The following TLL2 variants were observed in gnomAD, a reference collection of about 807,000 sequenced individuals.
TLL2 encodes tolloid-like protein 2.
A neutral mutation model predicts 123.0 loss-of-function variants in TLL2; 106 were observed. The observed-to-expected ratio is 0.86, with a 90% confidence interval of 0.74 to 1.01. The LOEUF is 1.01. Among genes scored for constraint, TLL2 ranks in the 50% least tolerant of loss-of-function variants. The pLI, the probability that TLL2 is intolerant of heterozygous loss-of-function variation, is 0.00. For synonymous variants in TLL2, 494 were observed against 516.8 expected, an observed-to-expected ratio of 0.96 and a Z score of 0.60; for missense variants, 1,332 against 1,336.7, an observed-to-expected ratio of 1.00 and a Z score of 0.06.
At chr10:96,419,860 T>G (rs1564903519) in intron 7 of TLL2, among the ~76,000 whole-genome samples, 2 of 152,222 alleles carry the variant, frequency 1.3e-5, no homozygotes, top group Admixed American at 6.5e-5. Context: ...TTCATCTTTA[T>G]GGACATGGAG....
intron 13 of TLL2, among the ~76,000 whole-genome samples, chr10:96,394,585 G>A (rs926348444): frequency 4.6e-5 from 7 of 152,180 alleles, no homozygotes; most frequent in Non-Finnish European, 8.8e-5. Context: ...GATCATGTGG[G>A]GGTAAGCATG....
chr10:96,492,361 C>T (rs186011368), intron 1 of TLL2, among the ~76,000 whole-genome samples: 14 of 152,322 alleles, frequency 9.2e-5, no homozygotes, highest in Admixed American at 5.2e-4. Flanking sequence ...CCGTGGCTCA[C>T]GCCTCTAATC....
chr10:96,480,119 A>C (rs1477576464), intron 2 of TLL2, among the ~76,000 whole-genome samples: 2 of 152,098 alleles, frequency 1.3e-5, no homozygotes, highest in Non-Finnish European at 2.9e-5. Flanking sequence ...TCCAGCCTGA[A>C]CCCTCTGATA....
intron 4 of TLL2, among the ~76,000 whole-genome samples, chr10:96,432,234 A>G (rs1182752199): frequency 6.6e-6 from 1 of 152,238 alleles, no homozygotes; most frequent in African/African-American, 2.4e-5. Flanking sequence ...CAAAACAACC[A>G]GATGGGGTAG....
At chr10:96,415,844 G>A (rs1589417027) in intron 7 of TLL2, among the ~76,000 whole-genome samples, 1 of 141,952 alleles carries the variant, frequency 7.0e-6, no homozygotes, top group East Asian at 2.1e-4. Flanking sequence ...GGTTCTTCCT[G>A]GTTACATCAC....
intron 15 of TLL2, among the ~76,000 whole-genome samples, chr10:96,385,734 G>A (rs1185691471): frequency 6.6e-6 from 1 of 152,040 alleles, no homozygotes; most frequent in Non-Finnish European, 1.5e-5. Flanking sequence ...CCCTTTATTC[G>A]CCTCAGCTGC....
chr10:96,447,916 G>A (rs1031244560), intron 2 of TLL2, among the ~76,000 whole-genome samples: 1 of 152,078 alleles, frequency 6.6e-6, no homozygotes, highest in Non-Finnish European at 1.5e-5. Flanking sequence ...TCAGACACCC[G>A]GTGGTCTTCC....
intron 1 of TLL2, among the ~76,000 whole-genome samples, chr10:96,505,018 A>T (rs1220746879): frequency 2.0e-5 from 3 of 151,614 alleles, no homozygotes; most frequent in African/African-American, 4.8e-5. Flanking sequence ...AAAAAAATAA[A>T]AAATAAATAA....
In TLL2 at chr10:96,513,583, C is replaced by A; in HGVS notation, c.103G>T (p.Asp35Tyr). The change falls in exon 1 of 21, where the codon GAC (aspartate) becomes TAC (tyrosine). Residue 35 changes from aspartate to tyrosine, a missense_variant. By Grantham distance (160) the Asp-to-Tyr change is radical. Coordinates refer to ENST00000357947, the MANE Select transcript of TLL2 (RefSeq NM_012465.4). ...GLGERPDATADYSELDGEEGT... is the reference protein window; with the variant it reads ...GLGERPDATAYYSELDGEEGT... ...TCCTCGCCGTCCAGCTCTGAGTAGT[C>A]TGCGGTGGCGTCCGGGCGCTCCCCG... The A allele has an allele frequency of 6.2e-7, 1 of 1,609,036 alleles. No homozygotes were observed. Among genetic ancestry groups the A allele is most frequent in the African/African-American group, 1.3e-5 (1 of 74,774 alleles).
chr10:96,494,178 C>T (rs1306970204), intron 1 of TLL2, among the ~76,000 whole-genome samples: 1 of 152,186 alleles, frequency 6.6e-6, no homozygotes, highest in Non-Finnish European at 1.5e-5. Flanking sequence ...AGTCCTCACA[C>T]CCCTCCGCAC....
intron 1 of TLL2, among the ~76,000 whole-genome samples, chr10:96,492,585 A>G (rs910849051): frequency 1.3e-5 from 2 of 152,176 alleles, no homozygotes; most frequent in Non-Finnish European, 2.9e-5. Context: ...GATCGCTCCA[A>G]TGCACTCCAG....
At chr10:96,435,785 C>T (rs963279613) in intron 3 of TLL2, among the ~76,000 whole-genome samples, 6 of 152,144 alleles carry the variant, frequency 3.9e-5, no homozygotes, top group Admixed American at 2.6e-4. Context: ...CCTAGCTTCT[C>T]GAGTTGAATA....
chr10:96,371,846 G>C (rs1464689572), intron 19 of TLL2, among the ~76,000 whole-genome samples: 3 of 152,326 alleles, frequency 2.0e-5, no homozygotes, highest in Non-Finnish European at 4.4e-5. Context: ...TTAGTCCCCT[G>C]ATTGCCACAG....
intron 17 of TLL2, among the ~76,000 whole-genome samples, chr10:96,378,561 T>C (rs943103898): frequency 1.4e-4 from 22 of 152,258 alleles, no homozygotes; most frequent in African/African-American, 5.3e-4. Flanking sequence ...TGAAATACTT[T>C]CTAGGCATTC....
At chr10:96,476,240 A>ATATATATATATATATTCT in intron 2 of TLL2, among the ~76,000 whole-genome samples, 6 of 20,488 alleles carry the variant, frequency 2.9e-4, no homozygotes, top group East Asian at 2.1e-3. Context: ...ATATATATAT[A>ATATATATATATATATTCT]TTTTATTTTT....
chr10:96,430,285 C>G (rs1846724556), intron 4 of TLL2, among the ~76,000 whole-genome samples: 1 of 152,148 alleles, frequency 6.6e-6, no homozygotes, highest in Admixed American at 6.5e-5. Flanking sequence ...GTACCTACCC[C>G]ACCTCTCTCT....
chr10:96,476,020 C>T (rs1018246652), intron 2 of TLL2, among the ~76,000 whole-genome samples: 2 of 151,592 alleles, frequency 1.3e-5, no homozygotes, highest in African/African-American at 2.4e-5. Context: ...CCACGTGGAA[C>T]AGTGAGTCCA....
In TLL2 at chr10:96,481,291, C is replaced by A. The variant is rs370339743; in HGVS notation, c.176-832G>T. ...CTGCCCAAGTAGCTAGGACTCCAGG[C>A]ATGTGACACCACGCCTGGCTAATTT... On this transcript the variant is annotated intron_variant, in intron 1 of 20. Coordinates refer to ENST00000357947, the MANE Select transcript of TLL2 (RefSeq NM_012465.4). Among the ~76,000 whole-genome samples, 103 of 152,220 alleles carry A rather than the reference C, an allele frequency of 6.8e-4. 1 individual carries two copies. The South Asian group carries it at 0.021, about 30-fold the overall frequency.
intron 2 of TLL2, among the ~76,000 whole-genome samples, chr10:96,473,007 G>A (rs2134099953): frequency 6.6e-6 from 1 of 151,930 alleles, no homozygotes; most frequent in Non-Finnish European, 1.5e-5. Context: ...CAAATCCAGA[G>A]CTCAAACTGG....
Sources: gnomAD v4.1 joint callset for allele counts (sites outside exome capture counted in the v4.1 genomes callset) on GRCh38, gnomAD v4.1.1 for gene constraint, MANE v1.5 for transcripts, NCBI Gene and HGNC (gene_info 2026-07-23, HGNC 2026-07-21) for gene names.